KRABD5: variants seen among roughly 807,000 people sequenced by gnomAD.
KRABD5 encodes the protein KRAB domain containing 5.
the KRABD5 span, among the ~76,000 whole-genome samples, chr16:31,726,824 A>T: frequency 6.6e-6 from 1 of 152,216 alleles, no homozygotes; most frequent in African/African-American, 2.4e-5. Flanking sequence ...GAAAAGTGAC[A>T]TTGGAATTTT....
the KRABD5 span, chr16:31,714,436 C>T: frequency 1.8e-5 from 8 of 456,050 alleles, no homozygotes; most frequent in Non-Finnish European, 3.1e-5. Context: ...GGCAGCACTC[C>T]CCAGAAGGCG....
chr16:31,721,471 A>C, the KRABD5 span, among the ~76,000 whole-genome samples: 1 of 151,072 alleles, frequency 6.6e-6, no homozygotes, highest in East Asian at 1.9e-4. Context: ...ATAAAAAAAT[A>C]AATAAATATA....
the KRABD5 span, chr16:31,757,374 G>A: frequency 1.3e-5 from 2 of 152,248 alleles, no homozygotes; most frequent in Non-Finnish European, 1.5e-5. Flanking sequence ...GGCAAAGGCA[G>A]GAGAGTTGCT....
At chr16:31,733,436 A>G in the KRABD5 span, 1 of 438,426 alleles carries the variant, frequency 2.3e-6, no homozygotes, top group Non-Finnish European at 4.6e-6. Flanking sequence ...AAACATTTTT[A>G]AGTGTACAGT....
the KRABD5 span, chr16:31,722,613 A>G: frequency 1.2e-6 from 2 of 1,612,248 alleles, no homozygotes. Context: ...TGTGCTATTT[A>G]TTTTTATTTC....
At chr16:31,726,044 A>G in the KRABD5 span, among the ~76,000 whole-genome samples, 4 of 152,234 alleles carry the variant, frequency 2.6e-5, no homozygotes, top group Admixed American at 6.5e-5. Flanking sequence ...TGAAATCTAA[A>G]AAATTAGTAC....
the KRABD5 span, chr16:31,758,341 G>T: frequency 6.6e-6 from 1 of 151,904 alleles, no homozygotes; most frequent in Admixed American, 6.6e-5. Context: ...AAGAAGGAAT[G>T]AAATCTACAA....
chr16:31,758,524 A>G, the KRABD5 span: 1 of 151,934 alleles, frequency 6.6e-6, no homozygotes. Context: ...CTGTAATCCT[A>G]GCACTTTGGG....
the KRABD5 span, among the ~76,000 whole-genome samples, chr16:31,731,218 T>G: frequency 1.3e-5 from 2 of 152,196 alleles, no homozygotes; most frequent in Non-Finnish European, 2.9e-5. Context: ...GATCCTGAGC[T>G]GATGAGATTT....
At chr16:31,730,057 G>A in the KRABD5 span, among the ~76,000 whole-genome samples, 1 of 152,188 alleles carries the variant, frequency 6.6e-6, no homozygotes, top group African/African-American at 2.4e-5. Context: ...AGTGACTTAT[G>A]TACCACCATT....
At chr16:31,750,033 T>C in the KRABD5 span, among the ~76,000 whole-genome samples, 5 of 152,286 alleles carry the variant, frequency 3.3e-5, no homozygotes, top group East Asian at 9.6e-4. Flanking sequence ...TCTTACTTAG[T>C]TCCATATGAA....
the KRABD5 span, chr16:31,759,407 A>C: frequency 1.3e-6 from 2 of 1,535,950 alleles, no homozygotes; most frequent in East Asian, 4.9e-5. Flanking sequence ...TCTGCTTGAG[A>C]AAAAGGACCA....
chr16:31,720,592 G>T, the KRABD5 span, among the ~76,000 whole-genome samples: 1 of 152,144 alleles, frequency 6.6e-6, no homozygotes, highest in Admixed American at 6.5e-5. Flanking sequence ...ATTATACCCA[G>T]ACTATGATTT....
At chr16:31,735,451 A>G in the KRABD5 span, among the ~76,000 whole-genome samples, 1 of 152,184 alleles carries the variant, frequency 6.6e-6, no homozygotes, top group South Asian at 2.1e-4. Context: ...GCTGAATCAT[A>G]TGACAGCTGT....
At chr16:31,755,115 C>A in the KRABD5 span, 1 of 490,954 alleles carries the variant, frequency 2.0e-6, no homozygotes, top group Non-Finnish European at 4.2e-6. Context: ...AGAATTCATA[C>A]TGGAGAGAAA....
chr16:31,746,430 T>C, the KRABD5 span, among the ~76,000 whole-genome samples: 1 of 152,228 alleles, frequency 6.6e-6, no homozygotes. Context: ...TTTAAGAATG[T>C]TGAATATTGG....
At chr16:31,713,350 T>C in the KRABD5 span, 1,167 of 1,559,920 alleles carry the variant, frequency 7.5e-4, 5 homozygotes, top group Middle Eastern at 3.5e-3. Flanking sequence ...GTTCTGAGAA[T>C]AGACAGAACC....
chr16:31,724,327 C>A, the KRABD5 span, among the ~76,000 whole-genome samples: 1,096 of 151,778 alleles, frequency 7.2e-3, 4 homozygotes, highest in Non-Finnish European at 0.012. Context: ...TTGATTAATA[C>A]AAATAAATTA....
chr16:31,742,463 C>T, the KRABD5 span, among the ~76,000 whole-genome samples: 1 of 152,200 alleles, frequency 6.6e-6, no homozygotes, highest in Non-Finnish European at 1.5e-5. Flanking sequence ...CTTCCAGCTT[C>T]ATTCACGTCC....
Sources: allele counts gnomAD v4.1 joint callset (sites outside exome capture counted in the v4.1 genomes callset), GRCh38; gene constraint gnomAD v4.1.1; transcripts MANE v1.5; gene names NCBI Gene and HGNC (gene_info 2026-07-23, HGNC 2026-07-21).